Variants in COPA observed in about 807,000 individuals in gnomAD.
COPA encodes coat protein complex I subunit alpha.
Under a neutral mutation model 158.7 loss-of-function variants are expected in COPA, and 10 were observed. The observed-to-expected ratio is 0.06, with a 90% CI of 0.04 to 0.11. COPA has a LOEUF of 0.11. COPA is among the 10% of genes least tolerant of loss of function. The pLI is 1.00. For missense variants in COPA, 1,065 were observed against 1,536.7 expected, an observed-to-expected ratio of 0.69 and a Z score of 5.13; for synonymous variants, 462 against 542.8, an observed-to-expected ratio of 0.85 and a Z score of 2.07.
At chr1:160,315,056 A>G (rs984401547) in intron 8 of COPA, among the ~76,000 whole-genome samples, 4 of 152,208 alleles carry the variant, frequency 2.6e-5, no homozygotes, top group Admixed American at 1.3e-4. Context: ...GATTTTCATC[A>G]GCAACAACCC....
intron 3 of COPA, among the ~76,000 whole-genome samples, chr1:160,338,527 CAG>C (rs987589314): frequency 3.3e-5 from 5 of 152,258 alleles, no homozygotes; most frequent in African/African-American, 4.8e-5. Flanking sequence ...AGGAAGTAAA[CAG>C]AGGAAATTTT....
chr1:160,297,262 C>G (rs1178454642), intron 21 of COPA, 81 bp downstream of exon 21: 19 of 1,195,158 alleles, frequency 1.6e-5, no homozygotes, highest in Non-Finnish European at 1.1e-5. Context: ...AATCCCTCAC[C>G]ACTATACACA....
Position 160,291,846 on chromosome 1 carries a change from A to C in COPA, c.3231T>G (p.Thr1077=). 1 of 1,614,072 alleles carries C rather than the reference A, an allele frequency of 6.2e-7. No individual in the cohort carries two copies. Among genetic ancestry groups the C allele is most frequent in the Non-Finnish European group, 8.5e-7 (1 of 1,180,018 alleles). Reference sequence around the variant, plus strand: ...CACAGATGCGCTTCTGCTGTTCTAGAGTCTCTTTGGGCAGCTTCTTCCTTT... The same window carrying C: ...CACAGATGCGCTTCTGCTGTTCTAGCGTCTCTTTGGGCAGCTTCTTCCTTT... ...ETERKKLPKE[T]LEQQKRICEM... is the part of the protein sequence containing the mutation. Residue 1077 remains threonine (T), a synonymous_variant, in exon 30 of 33, where the codon ACT becomes ACG. Transcript: ENST00000241704.
At chr1:160,335,140 A>G in intron 4 of COPA, 102 bp downstream of exon 4, 1 of 1,091,050 alleles carries the variant, frequency 9.2e-7, no homozygotes, top group Non-Finnish European at 1.3e-6. Flanking sequence ...AGCCACTCCA[A>G]AAACAACTCT....
In COPA at chr1:160,309,090, AG is replaced by A; in HGVS notation, c.1219+10del. 2.5e-6 allele frequency: 4 copies of A among 1,610,442 alleles called. No homozygotes were observed. Among genetic ancestry groups the A allele is most frequent in the Non-Finnish European group, 3.4e-6 (4 of 1,176,634 alleles). Reference sequence around the variant, plus strand: ...TGGAAGCAGAGTGGGGTAGACAAAAAGAACACTTACCATCAGGATTCTGGGA... The same window carrying A: ...TGGAAGCAGAGTGGGGTAGACAAAAAAACACTTACCATCAGGATTCTGGGA... On this transcript the variant is annotated intron_variant, in intron 13 of 32. Transcript: ENST00000241704.
At chr1:160,317,064 A>G (rs1056086814) in intron 8 of COPA, among the ~76,000 whole-genome samples, 1 of 152,094 alleles carries the variant, frequency 6.6e-6, no homozygotes, top group Admixed American at 6.5e-5. Context: ...ATACAGGCCA[A>G]GAGAGAGAGG....
intron 5 of COPA, 77 bp from the exon 6 acceptor site, chr1:160,332,634 A>C: frequency 1.0e-6 from 1 of 975,472 alleles, no homozygotes; most frequent in Non-Finnish European, 1.5e-6. Context: ...CTTTCTCCAT[A>C]TTCAATAAAT....
At chr1:160,317,293 C>A in intron 8 of COPA, 1 of 936,172 alleles carries the variant, frequency 1.1e-6, no homozygotes, top group Non-Finnish European at 1.7e-6. Context: ...ACTGCAGCTG[C>A]GGTGTTGTGC....
rs75221160 is a variant in COPA, at chr1:160,334,209, C to T, written c.310-530G>A. 4.5e-3 allele frequency among the ~76,000 whole-genome samples: 686 copies of T among 152,200 alleles called. 6 individuals are homozygous for T. The highest frequency in any genetic ancestry group is 0.016 in the African/African-American group (649 of 41,524). On this transcript the variant is annotated intron_variant, in intron 4 of 32. Transcript: ENST00000241704. ...AGGAAGTATTTCTTATTTACACTTC[C>T]TTCTTACTACACTTGCTAAGCTTTG...
At chr1:160,331,189 T>C (rs1195530060) in intron 6 of COPA, among the ~76,000 whole-genome samples, 1 of 152,214 alleles carries the variant, frequency 6.6e-6, no homozygotes, top group East Asian at 1.9e-4. Context: ...TACAGTCCAT[T>C]CTCTACATTT....
chr1:160,306,700 A>G (rs1018085763), intron 14 of COPA, among the ~76,000 whole-genome samples: 14 of 152,200 alleles, frequency 9.2e-5, no homozygotes, highest in Non-Finnish European at 1.5e-4. Flanking sequence ...CTCCAACTAA[A>G]ACATCCTGAG....
intron 13 of COPA, among the ~76,000 whole-genome samples, chr1:160,308,185 A>G (rs760176362): frequency 1.3e-3 from 14 of 10,784 alleles, no homozygotes; most frequent in Non-Finnish European, 2.1e-3. Flanking sequence ...TGGGGAAAAA[A>G]AAAAGCAAAG....
intron 8 of COPA, among the ~76,000 whole-genome samples, chr1:160,316,831 T>C (rs950380253): frequency 8.6e-5 from 13 of 150,734 alleles, no homozygotes; most frequent in African/African-American, 1.5e-4. Context: ...AAAGAAATAA[T>C]TACAGAAAAT....
In COPA at chr1:160,338,404, C is replaced by T. The variant is rs894534338; in HGVS notation, c.228+1505G>A. 8.5e-5 allele frequency among the ~76,000 whole-genome samples: 13 copies of T among 152,242 alleles called. No homozygotes were observed. In the East Asian group the frequency reaches 9.6e-4, roughly 11 times the overall value. Reference sequence around the variant, plus strand: ...CTTTACTCCCATCACCTAAGTTCTGCGGTATAATCACAATATATAACTTCT... The same window carrying T: ...CTTTACTCCCATCACCTAAGTTCTGTGGTATAATCACAATATATAACTTCT... On this transcript the variant is annotated intron_variant, in intron 3 of 32. Coordinates refer to ENST00000241704, the MANE Select transcript of COPA (RefSeq NM_004371.4).
In COPA at chr1:160,343,225, C is replaced by T; in HGVS notation, c.-55G>A. On this transcript the variant is annotated 5_prime_UTR_variant, in exon 1 of 33. Coordinates refer to ENST00000241704, the MANE Select transcript of COPA (RefSeq NM_004371.4). ...TCCGAGCCCCGACACACCCTGCTGC[C>T]CTTCGGACGCCTCCACGTCAGCGAC... 1.9e-6 allele frequency: 3 copies of T among 1,609,258 alleles called. No homozygotes were observed. Among genetic ancestry groups the T allele is most frequent in the Non-Finnish European group, 2.6e-6 (3 of 1,175,548 alleles).
intron 4 of COPA, among the ~76,000 whole-genome samples, chr1:160,334,136 A>G (rs992618323): frequency 6.6e-6 from 1 of 152,220 alleles, no homozygotes; most frequent in Non-Finnish European, 1.5e-5. Flanking sequence ...AGAAAGTAAC[A>G]TGTAAAGACA....
rs771264275 is a variant in COPA, at chr1:160,295,795, G to T, written c.2417C>A (p.Thr806Asn). The change falls in exon 23 of 33, where the codon ACC becomes AAC. Residue 806 changes from threonine to asparagine, a missense_variant. Transcript: ENST00000241704. ...QPPAPIMPLD[T>N]NWPLLTVSKG... ...GGATACAGTCAATAAAGGCCAATTG[G>T]TATCCAATGGCATGATAGGTGCAGG... The T allele has an allele frequency of 1.1e-5, 17 of 1,613,490 alleles. No individual in the cohort carries two copies. Among genetic ancestry groups the T allele is most frequent in the Non-Finnish European group, 1.3e-5 (15 of 1,179,756 alleles).
intron 17 of COPA, among the ~76,000 whole-genome samples, chr1:160,303,944 T>TA (rs534403728): frequency 8.4e-4 from 128 of 152,142 alleles, no homozygotes; most frequent in African/African-American, 2.9e-3. Flanking sequence ...TACAAGGAGA[T>TA]ACCATTACGC....
chr1:160,307,319 G>A (rs1438758218), intron 13 of COPA, 74 bp from the exon 14 acceptor site: 3 of 1,400,924 alleles, frequency 2.1e-6, no homozygotes, highest in South Asian at 1.2e-5. Context: ...GTGCCATGGA[G>A]CTGCCAGTCT....
Sources: allele counts gnomAD v4.1 joint callset (sites outside exome capture counted in the v4.1 genomes callset), GRCh38; gene constraint gnomAD v4.1.1; transcripts MANE v1.5; gene names NCBI Gene and HGNC (gene_info 2026-07-23, HGNC 2026-07-21).